CDH2: variants seen among roughly 807,000 people sequenced by gnomAD.
The protein encoded by CDH2 is cadherin-2.
In CDH2, 17 loss-of-function variants were observed where a neutral mutation model predicts 92.0. The ratio of observed to expected loss-of-function variants is 0.18; its 90% CI spans 0.13 to 0.28. The LOEUF (loss-of-function observed/expected upper bound fraction) is 0.28. CDH2 is among the 10% of genes least tolerant of loss of function. The pLI is 1.00. For missense variants in CDH2, 862 were observed against 1,133.1 expected (o/e 0.76, Z 3.44); for synonymous variants, 419 against 415.9 (o/e 1.01, Z -0.09).
chr18:27,986,002 T>C (rs1797435306), intron 11 of CDH2, among the ~76,000 whole-genome samples: 1 of 152,138 alleles, frequency 6.6e-6, no homozygotes, highest in Admixed American at 6.5e-5. Context: ...TGACGAAGAA[T>C]GCCCCTGTGA....
At chr18:28,164,806 A>G (rs1479339031) in intron 1 of CDH2, among the ~76,000 whole-genome samples, 1 of 152,234 alleles carries the variant, frequency 6.6e-6, no homozygotes, top group Non-Finnish European at 1.5e-5. Context: ...TTGTTTCCAA[A>G]TCAAATCACT....
intron 1 of CDH2, among the ~76,000 whole-genome samples, chr18:28,172,471 T>C (rs2016479725): frequency 6.6e-6 from 1 of 152,140 alleles, no homozygotes; most frequent in African/African-American, 2.4e-5. Context: ...TCTGCTCAAA[T>C]TAACTGATGT....
intron 2 of CDH2, among the ~76,000 whole-genome samples, chr18:28,082,941 T>C (rs575065093): frequency 1.1e-4 from 16 of 152,328 alleles, no homozygotes; most frequent in African/African-American, 3.8e-4. Context: ...TTTGCTGTTC[T>C]TCACAGTCAA....
At chr18:27,945,591 C>T (rs890985940) in intron 6 of CDH2, among the ~76,000 whole-genome samples, 1 of 151,974 alleles carries the variant, frequency 6.6e-6, no homozygotes, top group Non-Finnish European at 1.5e-5. Flanking sequence ...AGCTACAATG[C>T]GGTAAACATG....
intron 2 of CDH2, among the ~76,000 whole-genome samples, chr18:28,100,620 T>C (rs1264643748): frequency 2.0e-5 from 3 of 152,078 alleles, no homozygotes; most frequent in Non-Finnish European, 2.9e-5. Flanking sequence ...GTCAGAGGAG[T>C]CCTGAGTTTC....
chr18:28,156,022 T>G (rs2016204780), intron 1 of CDH2, among the ~76,000 whole-genome samples: 1 of 152,018 alleles, frequency 6.6e-6, no homozygotes, highest in Non-Finnish European at 1.5e-5. Flanking sequence ...TGGAAGGAGA[T>G]TATCTTGTCT....
At chr18:27,946,957 T>A (rs942375913), downstream of CDH2, among the ~76,000 whole-genome samples, 1 of 151,870 alleles carries the variant, frequency 6.6e-6, no homozygotes, top group Non-Finnish European at 1.5e-5. Flanking sequence ...GTAAGTGAAG[T>A]ATAAACTGGT....
At chr18:27,947,654 T>C (rs1909302348), downstream of CDH2, among the ~76,000 whole-genome samples, 1 of 147,446 alleles carries the variant, frequency 6.8e-6, no homozygotes, top group South Asian at 2.1e-4. Flanking sequence ...AAGTATGTGA[T>C]ATAAGTATAT....
rs1457361928 is a variant in CDH2 at position 28,170,890 on chromosome 18, ATG to A, written c.60+6071_60+6072del. Among the ~76,000 whole-genome samples the A allele has an allele frequency of 3.3e-5, 5 of 151,492 alleles. No individual in the cohort carries two copies. The East Asian group carries it at 7.8e-4, about 24-fold the overall frequency. ...ATATCTTCGTATATGTATCTATACC[ATG>A]TGTTTGTCATAAATACATGCATACC... is the stretch of plus-strand genomic sequence containing the variant. On this transcript the variant is annotated intron_variant, in intron 1 of 15. Transcript: ENST00000269141.
chr18:28,087,794 AAAAAC>A (rs146337361), intron 2 of CDH2, among the ~76,000 whole-genome samples: 24,520 of 151,402 alleles, frequency 0.16, 2,269 homozygotes, highest in East Asian at 0.3. Flanking sequence ...AATGAAAATA[AAAAAC>A]AAAACAAAAC....
At chr18:28,106,789 G>A (rs571050446) in intron 2 of CDH2, among the ~76,000 whole-genome samples, 58 of 152,190 alleles carry the variant, frequency 3.8e-4, no homozygotes, top group African/African-American at 1.2e-3. Flanking sequence ...TATAATTTCA[G>A]TTTAGCATCT....
At chr18:28,081,962 C>T (rs1287244577) in intron 2 of CDH2, among the ~76,000 whole-genome samples, 1 of 152,122 alleles carries the variant, frequency 6.6e-6, no homozygotes, top group Non-Finnish European at 1.5e-5. Flanking sequence ...CTTTTGAATA[C>T]CATCTTTTTC....
intron 15 of CDH2, among the ~76,000 whole-genome samples, chr18:27,957,701 G>A (rs1283866035): frequency 3.3e-5 from 5 of 152,130 alleles, no homozygotes; most frequent in African/African-American, 9.7e-5. Context: ...TGTCCTGGGC[G>A]TAGTTTTTCC....
At chr18:28,152,903 G>A (rs987599268) in intron 1 of CDH2, among the ~76,000 whole-genome samples, 3 of 152,124 alleles carry the variant, frequency 2.0e-5, no homozygotes, top group Admixed American at 6.5e-5. Context: ...AGTTAAGATC[G>A]ATAGGGCCTT....
intron 2 of CDH2, among the ~76,000 whole-genome samples, chr18:28,057,725 T>A (rs929148469): frequency 6.6e-6 from 1 of 152,054 alleles, no homozygotes; most frequent in Non-Finnish European, 1.5e-5. Context: ...AAATTACCTA[T>A]GATAACTTAT....
At chr18:27,973,326 C>G (rs536091000) in intron 14 of CDH2, among the ~76,000 whole-genome samples, 1 of 152,186 alleles carries the variant, frequency 6.6e-6, no homozygotes, top group Non-Finnish European at 1.5e-5. Context: ...AGAGGCACTT[C>G]TATTATAATT....
intron 2 of CDH2, among the ~76,000 whole-genome samples, chr18:28,067,150 T>A (rs2014524289): frequency 6.6e-6 from 1 of 152,174 alleles, no homozygotes; most frequent in Non-Finnish European, 1.5e-5. Context: ...AATATATATT[T>A]TTGTGTTTTG....
chr18:28,150,677 C>G (rs1205850844), intron 1 of CDH2, among the ~76,000 whole-genome samples: 1 of 152,154 alleles, frequency 6.6e-6, no homozygotes, highest in Non-Finnish European at 1.5e-5. Flanking sequence ...GCTCTTAAAG[C>G]ACATCTCTAA....
At chr18:28,052,494 C>T (rs1054156653) in intron 2 of CDH2, among the ~76,000 whole-genome samples, 3 of 141,556 alleles carry the variant, frequency 2.1e-5, no homozygotes, top group Non-Finnish European at 3.0e-5. Flanking sequence ...TCTATAAGGT[C>T]TTATGTGTAT....
Sources: gnomAD v4.1 joint callset for allele counts (sites outside exome capture counted in the v4.1 genomes callset) on GRCh38, gnomAD v4.1.1 for gene constraint, MANE v1.5 for transcripts, NCBI Gene and HGNC (gene_info 2026-07-23, HGNC 2026-07-21) for gene names.